MCTP2: variants seen among roughly 807,000 people sequenced by gnomAD.
MCTP2 encodes the protein multiple C2 and transmembrane domain containing 2.
In MCTP2, 132 loss-of-function variants were observed where a neutral mutation model predicts 111.6. The observed-to-expected ratio is 1.18, with a 90% CI of 1.03 to 1.37. The LOEUF (loss-of-function observed/expected upper bound fraction) is 1.37, where lower values mean the gene tolerates loss of function less well. MCTP2 is among the 40% of genes most tolerant of loss of function. MCTP2 has a pLI of 0.00. For synonymous variants in MCTP2, 395 were observed against 387.7 expected, an observed-to-expected ratio of 1.02 and a Z score of -0.22; for missense variants, 1,183 against 1,067.9, an observed-to-expected ratio of 1.11 and a Z score of -1.50.
At chr15:94,330,109 C>G (rs1429487787) in intron 4 of MCTP2, among the ~76,000 whole-genome samples, 1 of 152,196 alleles carries the variant, frequency 6.6e-6, no homozygotes, top group Non-Finnish European at 1.5e-5. Flanking sequence ...CAGGTTTATT[C>G]ATGTCATTGC....
chr15:94,373,141 G>A (rs1408484445), intron 12 of MCTP2, among the ~76,000 whole-genome samples: 2 of 152,046 alleles, frequency 1.3e-5, no homozygotes, highest in Admixed American at 6.6e-5. Flanking sequence ...TTTTAAAGAC[G>A]TCCACCTCTT....
chr15:94,238,707 CTA>C (rs889398960), intron 1 of MCTP2, among the ~76,000 whole-genome samples: 6 of 152,042 alleles, frequency 3.9e-5, no homozygotes, highest in African/African-American at 1.4e-4. Context: ...GGACAGGGTG[CTA>C]TGAGAGCAGG....
intron 20 of MCTP2, among the ~76,000 whole-genome samples, chr15:94,460,592 T>G (rs983657541): frequency 1.3e-5 from 2 of 152,206 alleles, no homozygotes; most frequent in African/African-American, 4.8e-5. Context: ...TTCTGGAACA[T>G]CTCTAAAAGA....
chr15:94,345,502 T>C (rs1417155301), intron 8 of MCTP2, among the ~76,000 whole-genome samples: 1 of 152,178 alleles, frequency 6.6e-6, no homozygotes, highest in Admixed American at 6.5e-5. Flanking sequence ...GAAACTAGCA[T>C]TGGTGTTGTA....
At chr15:94,279,332 C>T (rs1042547372) in intron 1 of MCTP2, among the ~76,000 whole-genome samples, 1 of 152,112 alleles carries the variant, frequency 6.6e-6, no homozygotes, top group Non-Finnish European at 1.5e-5. Context: ...ACATCTTTCA[C>T]CTCCCTGGTT....
At chr15:94,249,935 CA>C (rs1487230061) in intron 1 of MCTP2, among the ~76,000 whole-genome samples, 1 of 151,996 alleles carries the variant, frequency 6.6e-6, no homozygotes, top group Non-Finnish European at 1.5e-5. Flanking sequence ...TCACTGCAAA[CA>C]TTACTTTTAT....
rs956089063 is a variant in MCTP2, at chr15:94,480,100, G to T, written c.*1066G>T. 2 of 152,056 alleles carry T rather than the reference G, an allele frequency of 1.3e-5. No homozygotes were observed. The highest frequency in any genetic ancestry group is 2.9e-5 in the Non-Finnish European group (2 of 68,010). The allele number at this position is 152,056 out of a possible 1,614,324, so 9.4% of individuals were successfully genotyped here. A position where few individuals can be genotyped will look rare whatever the true frequency, so the allele number is the denominator to read the frequency against. On this transcript the variant is annotated 3_prime_UTR_variant, in exon 23 of 23. Coordinates refer to ENST00000357742, the MANE Select transcript of MCTP2 (RefSeq NM_001385001.1). ...ACCACCCCAGAGTCCTCATTTGATA[G>T]CATCTGTCTCCTGCAGACCTCATCA...
Position 94,298,714 on chromosome 15 carries a change from C to T in MCTP2, c.449C>T (p.Ala150Val), listed in dbSNP as rs998872047. The change falls in exon 2 of 23, where the codon GCA (alanine) becomes GTA (valine). Residue 150 changes from alanine to valine, a missense_variant. Coordinates refer to ENST00000357742, the MANE Select transcript of MCTP2 (RefSeq NM_001385001.1). ...DLQKTSLGGDAPEEPEKLCGS... is the reference protein window; with the variant it reads ...DLQKTSLGGDVPEEPEKLCGS... ...CAGAAAACTTCCCTTGGAGGGGATG[C>T]ACCAGAAGAGCCAGAGGTGAGAATA... is the stretch of plus-strand genomic sequence containing the variant. 1 of 1,606,136 alleles carries T rather than the reference C, an allele frequency of 6.2e-7. No individual in the cohort carries two copies. The highest frequency in any genetic ancestry group is 1.3e-5 in the African/African-American group (1 of 74,658).
intron 1 of MCTP2, among the ~76,000 whole-genome samples, chr15:94,292,437 A>C (rs2152327104): frequency 6.6e-6 from 1 of 152,348 alleles, no homozygotes; most frequent in East Asian, 1.9e-4. Context: ...TACAGGATAC[A>C]AAGCCAATAT....
chr15:94,311,617 G>A (rs192237789), intron 2 of MCTP2, among the ~76,000 whole-genome samples: 1 of 152,214 alleles, frequency 6.6e-6, no homozygotes, highest in African/African-American at 2.4e-5. Flanking sequence ...CTATCTTGGT[G>A]TTTATATATG....
chr15:94,366,148 C>T (rs11854915), intron 10 of MCTP2, among the ~76,000 whole-genome samples: 2,864 of 152,204 alleles, frequency 0.019, 83 homozygotes, highest in African/African-American at 0.065. Flanking sequence ...CCTATATTTT[C>T]ATAGATAGTA....
At position 94,258,370 on chromosome 15, in the gene MCTP2, C is replaced by G. The variant is rs112279387; in HGVS notation, c.-66+26706C>G. 2.3e-3 allele frequency among the ~76,000 whole-genome samples: 352 copies of G among 152,230 alleles called. 2 individuals are homozygous for G. The highest frequency in any genetic ancestry group is 7.7e-3 in the African/African-American group (318 of 41,544). On this transcript the variant is annotated intron_variant, in intron 1 of 22. Coordinates refer to ENST00000357742, the MANE Select transcript of MCTP2 (RefSeq NM_001385001.1). ...AGTGACTCCTCTCTCAAAGGACATG[C>G]AAATCTTTTTATCCTGCCTCTGCCC...
intron 1 of MCTP2, among the ~76,000 whole-genome samples, chr15:94,271,559 A>C (rs2073907603): frequency 6.6e-6 from 1 of 152,192 alleles, no homozygotes; most frequent in Non-Finnish European, 1.5e-5. Context: ...TAATATGGGT[A>C]GGAGCTGGGG....
intron 8 of MCTP2, among the ~76,000 whole-genome samples, chr15:94,350,274 G>A (rs2152417373): frequency 6.6e-6 from 1 of 152,314 alleles, no homozygotes; most frequent in African/African-American, 2.4e-5. Flanking sequence ...CAAGAGAGGT[G>A]CTCTGGGTGC....
At chr15:94,233,955 A>G (rs2070366150) in intron 1 of MCTP2, among the ~76,000 whole-genome samples, 1 of 152,238 alleles carries the variant, frequency 6.6e-6, no homozygotes, top group Non-Finnish European at 1.5e-5. Context: ...GTTGCCAGTT[A>G]ACTGTTGAGA....
chr15:94,425,039 T>C (rs1195745655), intron 17 of MCTP2, among the ~76,000 whole-genome samples: 1 of 152,138 alleles, frequency 6.6e-6, no homozygotes, highest in Non-Finnish European at 1.5e-5. Context: ...ATTTTTCCTG[T>C]GGTTGGTGCA....
intron 1 of MCTP2, among the ~76,000 whole-genome samples, chr15:94,270,877 CAAG>C (rs1387528773): frequency 6.6e-6 from 1 of 152,194 alleles, no homozygotes; most frequent in Non-Finnish European, 1.5e-5. Context: ...CTGTCTCTTC[CAAG>C]TAGTACATAA....
At chr15:94,418,071 C>T (rs182987094) in intron 17 of MCTP2, among the ~76,000 whole-genome samples, 2 of 152,094 alleles carry the variant, frequency 1.3e-5, no homozygotes, top group South Asian at 2.1e-4. Context: ...TTTCTGTGTT[C>T]GTTCTGATCT....
intron 8 of MCTP2, among the ~76,000 whole-genome samples, chr15:94,351,522 C>T (rs1177435604): frequency 6.6e-6 from 1 of 152,048 alleles, no homozygotes; most frequent in Non-Finnish European, 1.5e-5. Context: ...GCATTTGTTT[C>T]CATTGACTAC....
Sources: gnomAD v4.1 joint callset for allele counts (sites outside exome capture counted in the v4.1 genomes callset) on GRCh38, gnomAD v4.1.1 for gene constraint, MANE v1.5 for transcripts, NCBI Gene and HGNC (gene_info 2026-07-23, HGNC 2026-07-21) for gene names.